IFT20: variants seen among roughly 807,000 people sequenced by gnomAD.
IFT20 encodes the protein intraflagellar transport 20.
Under a neutral mutation model 16.9 loss-of-function variants are expected in IFT20, and 4 were observed. The observed-to-expected ratio is 0.24, with a 90% CI of 0.12 to 0.54. The LOEUF (loss-of-function observed/expected upper bound fraction) is 0.54, where lower values mean the gene tolerates loss of function less well. Among genes scored for constraint, IFT20 ranks in the 20% least tolerant of loss-of-function variants. The pLI is 0.95. For missense variants in IFT20, 154 were observed against 149.7 expected (o/e 1.03, Z -0.15); for synonymous variants, 48 against 49.9 (o/e 0.96, Z 0.16).
rs1555576627 is a variant in IFT20 at position 28,331,963 on chromosome 17, T to A, written c.23A>T (p.Glu8Val). MAKDILG[E>V]AGLHFDELNK... ...CAGTTCATCAAAGTGTAGCCCTGCT[T>A]CACCCAGGATGTCCTTGGCCATGGC... The change falls in exon 2 of 5, where the codon GAA becomes GTA. Residue 8 changes from glutamate (E) to valine (V), a missense_variant. By Grantham distance (121) the Glu-to-Val change is moderately radical. Transcript: ENST00000395418. 2 of 1,614,208 alleles carry A rather than the reference T, an allele frequency of 1.2e-6. No homozygotes were observed. Among genetic ancestry groups the A allele is most frequent in the Non-Finnish European group, 1.7e-6 (2 of 1,180,012 alleles).
intron 1 of IFT20, among the ~76,000 whole-genome samples, chr17:28,335,077 C>G (rs1289881096): frequency 6.6e-6 from 1 of 152,196 alleles, no homozygotes; most frequent in Non-Finnish European, 1.5e-5. Flanking sequence ...CCGGCTCTCC[C>G]AGATGCATGC....
intron 2 of IFT20, chr17:28,331,561 C>A: frequency 2.8e-6 from 1 of 351,838 alleles, no homozygotes; most frequent in Non-Finnish European, 5.3e-6. Context: ...TTTCCCACAC[C>A]CAAGCCATGG....
rs1906807279 is a variant in IFT20, at chr17:28,331,874, T to C, written c.112A>G (p.Lys38Glu). 1.2e-6 allele frequency: 2 copies of C among 1,614,242 alleles called. No homozygotes were observed. The highest frequency in any genetic ancestry group is 1.7e-6 in the Non-Finnish European group (2 of 1,180,044). ...CAATACTCACTGTCCACAAAGTCTT[T>C]GCACTCTTCCTTCAGCTCTATGGTC... ...QQTIELKEEC[K>E]DFVDKIGQFQ... The change falls in exon 2 of 5, where the codon AAA (lysine) becomes GAA (glutamate). Residue 38 changes from lysine to glutamate, a missense_variant. Transcript: ENST00000395418.
In IFT20 at chr17:28,331,871, CTT is replaced by C; in HGVS notation, c.113_114del (p.Lys38ArgfsTer18). ...QQTIELKEEC[K>X]DFVDKIGQFQ... is the part of the protein sequence containing the mutation. ...CCCCAATACTCACTGTCCACAAAGT[CTT>C]TGCACTCTTCCTTCAGCTCTATGGT... On this transcript the variant is annotated frameshift_variant, in exon 2 of 5. Coordinates refer to ENST00000395418, the MANE Select transcript of IFT20 (RefSeq NM_001267776.2). LOFTEE classifies it high-confidence loss of function. 6.2e-7 allele frequency: 1 copy of C among 1,614,240 alleles called. No individual in the cohort carries two copies. Among genetic ancestry groups the C allele is most frequent in the East Asian group, 2.2e-5 (1 of 44,882 alleles).
At chr17:28,329,108 C>G in intron 4 of IFT20, 65 bp downstream of exon 4, 2 of 1,065,344 alleles carry the variant, frequency 1.9e-6, no homozygotes, top group Admixed American at 3.6e-5. Context: ...AAGAAGTGAT[C>G]ATTCCAGAAG....
At chr17:28,334,942 G>A (rs975054097) in intron 1 of IFT20, among the ~76,000 whole-genome samples, 1 of 152,174 alleles carries the variant, frequency 6.6e-6, no homozygotes, top group Non-Finnish European at 1.5e-5. Flanking sequence ...AAGAGGTGCA[G>A]GGAAAGAGTT....
rs117940072 is a variant in IFT20, at chr17:28,328,885, C to T, written c.318-152G>A. 6.5e-4 allele frequency: 430 copies of T among 660,342 alleles called. 2 individuals carry two copies. The East Asian group carries it at 9.4e-3, about 14-fold the overall frequency. The allele number at this position is 660,342 out of a possible 1,614,324, so 40.9% of individuals were successfully genotyped here. A position where few individuals can be genotyped will look rare whatever the true frequency, so the allele number is the denominator to read the frequency against. ...AAAGAGGCAAAGCCCTACCCAGAGC[C>T]ACCCATGAGAAATCTCCAGCCCTAG... is the stretch of plus-strand genomic sequence containing the variant. On this transcript the variant is annotated intron_variant, in intron 4 of 4. Transcript: ENST00000395418.
At chr17:28,329,389 A>G in intron 3 of IFT20, 113 bp from the exon 4 acceptor site, 1 of 790,248 alleles carries the variant, frequency 1.3e-6, no homozygotes, top group Non-Finnish European at 2.1e-6. Context: ...GAGGAAAAGA[A>G]AGTGGAGCCC....
chr17:28,328,888 C>T (rs1906519624), intron 4 of IFT20, 155 bp from the exon 5 acceptor site: 1 of 654,586 alleles, frequency 1.5e-6, no homozygotes, highest in Non-Finnish European at 2.7e-6. Context: ...CCAGAGCCAC[C>T]CATGAGAAAT....
At chr17:28,334,743 G>A (rs1175303066) in intron 1 of IFT20, among the ~76,000 whole-genome samples, 1 of 152,228 alleles carries the variant, frequency 6.6e-6, no homozygotes, top group Non-Finnish European at 1.5e-5. Flanking sequence ...AACCAAGGCT[G>A]GCAGCCGAAC....
intron 1 of IFT20, 38 bp downstream of exon 1, chr17:28,335,302 C>T (rs1452065023): frequency 1.3e-5 from 2 of 152,278 alleles, no homozygotes; most frequent in Admixed American, 6.5e-5. Flanking sequence ...CCTCTCGCCC[C>T]TGGTCCGCCC....
At chr17:28,332,194 C>T (rs2142371976) in intron 1 of IFT20, 3 of 1,537,042 alleles carry the variant, frequency 2.0e-6, no homozygotes, top group South Asian at 2.4e-5. Context: ...GAAGGAGTGA[C>T]AGTGGCAGTC....
At chr17:28,332,407 T>C in intron 1 of IFT20, 1 of 521,050 alleles carries the variant, frequency 1.9e-6, no homozygotes, top group Non-Finnish European at 3.4e-6. Flanking sequence ...ACACGGAAAC[T>C]GAAAAACCAC....
intron 1 of IFT20, among the ~76,000 whole-genome samples, chr17:28,333,106 C>CACACACA (rs3222917): frequency 1.3e-5 from 2 of 150,838 alleles, no homozygotes; most frequent in Admixed American, 6.6e-5. Context: ...CACACACACA[C>CACACACA]AATTAAACAT....
intron 1 of IFT20, chr17:28,332,381 A>T: frequency 1.7e-6 from 1 of 574,672 alleles, no homozygotes; most frequent in Non-Finnish European, 3.0e-6. Context: ...CACATAGTTC[A>T]GCTGGAAGAA....
intron 3 of IFT20, 90 bp from the exon 4 acceptor site, chr17:28,329,366 G>T: frequency 1.0e-6 from 1 of 998,768 alleles, no homozygotes; most frequent in Non-Finnish European, 1.5e-6. Flanking sequence ...TGGGAGCTGT[G>T]TCAGTCTTCA....
intron 3 of IFT20, chr17:28,329,988 A>G: frequency 2.4e-6 from 1 of 425,506 alleles, no homozygotes; most frequent in Non-Finnish European, 4.2e-6. Context: ...TGAACCCAGG[A>G]GGCGGAGGTT....
At chr17:28,329,544 C>T (rs1252569236) in intron 3 of IFT20, 2 of 395,944 alleles carry the variant, frequency 5.1e-6, no homozygotes, top group Non-Finnish European at 9.1e-6. Flanking sequence ...GCCATTCAGC[C>T]TTGTGCCTTT....
At chr17:28,330,660 A>C in intron 2 of IFT20, 132 bp from the exon 3 acceptor site, 1 of 658,594 alleles carries the variant, frequency 1.5e-6, no homozygotes, top group Non-Finnish European at 2.7e-6. Context: ...GGTGTGGGCC[A>C]GGCGTGGTGG....
Sources: allele counts gnomAD v4.1 joint callset (sites outside exome capture counted in the v4.1 genomes callset), GRCh38; gene constraint gnomAD v4.1.1; transcripts MANE v1.5; gene names NCBI Gene and HGNC (gene_info 2026-07-23, HGNC 2026-07-21).